RIMS2: variants seen among roughly 807,000 people sequenced by gnomAD.
RIMS2 encodes regulating synaptic membrane exocytosis 2.
Under a neutral mutation model 174.4 loss-of-function variants are expected in RIMS2, and 59 were observed. That is an observed-to-expected ratio of 0.34 (90% CI 0.27 to 0.42). The LOEUF (loss-of-function observed/expected upper bound fraction) is 0.42. Among genes scored for constraint, RIMS2 ranks in the 10% least tolerant of loss-of-function variants. The probability of loss-of-function intolerance (pLI) is 1.00; values close to 1 mark genes in which losing one functional copy is unlikely to be tolerated. For synonymous variants in RIMS2, 606 were observed against 572.5 expected, an observed-to-expected ratio of 1.06 and a Z score of -0.84; for missense variants, 1,620 against 1,666.3, an observed-to-expected ratio of 0.97 and a Z score of 0.48.
intron 4 of RIMS2, among the ~76,000 whole-genome samples, chr8:103,892,732 A>G (rs1340066549): frequency 2.0e-5 from 3 of 151,794 alleles, no homozygotes; most frequent in African/African-American, 7.3e-5. Context: ...CATCATTATA[A>G]CTCCTGACCT....
intron 19 of RIMS2, among the ~76,000 whole-genome samples, chr8:104,173,783 C>G (rs546973996): frequency 6.6e-6 from 1 of 151,080 alleles, no homozygotes; most frequent in Non-Finnish European, 1.5e-5. Context: ...CACCCGCCAC[C>G]ATGCCTGGCT....
chr8:103,964,207 C>T (rs1490921150), intron 15 of RIMS2, among the ~76,000 whole-genome samples: 2 of 152,188 alleles, frequency 1.3e-5, no homozygotes, highest in East Asian at 1.9e-4. Context: ...ATTGCTGGAT[C>T]GTATGCTAAG....
chr8:104,251,977 C>T, downstream of RIMS2: 2 of 613,986 alleles, frequency 3.3e-6, no homozygotes, highest in Middle Eastern at 3.8e-4. Flanking sequence ...GAGGAAGTTG[C>T]ACACATTGTG....
At chr8:103,885,872 G>T (rs1326673520) in exon 4 of RIMS2, 1 of 1,612,802 alleles carries the variant, frequency 6.2e-7, no homozygotes, top group Admixed American at 1.7e-5. Flanking sequence ...AAGTTCTTAT[G>T]CACAAAGGAC....
At chr8:103,897,486 TTACCTTCA>T (rs1397984247) in intron 4 of RIMS2, among the ~76,000 whole-genome samples, 1 of 151,710 alleles carries the variant, frequency 6.6e-6, no homozygotes, top group Non-Finnish European at 1.5e-5. Flanking sequence ...GAAGTCTGCG[TTACCTTCA>T]TATGCATTTT....
At chr8:103,593,247 A>G (rs1025279214) in intron 1 of RIMS2, among the ~76,000 whole-genome samples, 1 of 151,422 alleles carries the variant, frequency 6.6e-6, no homozygotes, top group African/African-American at 2.4e-5. Flanking sequence ...GGTGATGTTA[A>G]TGATATGATT....
chr8:103,685,581 G>A (rs2096931968), intron 1 of RIMS2, among the ~76,000 whole-genome samples: 1 of 152,064 alleles, frequency 6.6e-6, no homozygotes, highest in Non-Finnish European at 1.5e-5. Flanking sequence ...TTGCTTAAAA[G>A]ACAATTTTTT....
intron 2 of RIMS2, among the ~76,000 whole-genome samples, chr8:103,763,178 C>T (rs1051503955): frequency 6.6e-6 from 1 of 152,172 alleles, no homozygotes; most frequent in African/African-American, 2.4e-5. Context: ...TGGCTCACAT[C>T]TGTAATCCTA....
chr8:104,081,290 A>T (rs1171821155), intron 19 of RIMS2, among the ~76,000 whole-genome samples: 1 of 151,996 alleles, frequency 6.6e-6, no homozygotes, highest in African/African-American at 2.4e-5. Flanking sequence ...ATTTTAAATG[A>T]GTTTAAAGGG....
chr8:103,835,703 A>G (rs1297658575), intron 3 of RIMS2, among the ~76,000 whole-genome samples: 1 of 152,220 alleles, frequency 6.6e-6, no homozygotes, highest in African/African-American at 2.4e-5. Flanking sequence ...GGAATTATAT[A>G]TGTAGCTTCT....
At chr8:103,897,739 C>T (rs899763880) in intron 4 of RIMS2, among the ~76,000 whole-genome samples, 4 of 151,620 alleles carry the variant, frequency 2.6e-5, no homozygotes, top group African/African-American at 9.8e-5. Context: ...ACTACATGGC[C>T]TTGTTCCAGA....
intron 1 of RIMS2, among the ~76,000 whole-genome samples, chr8:103,601,741 CT>C (rs1347847611): frequency 6.6e-6 from 1 of 151,122 alleles, no homozygotes; most frequent in Non-Finnish European, 1.5e-5. Flanking sequence ...TCTTTCCTGT[CT>C]TTTTTAGTGA....
intron 1 of RIMS2, among the ~76,000 whole-genome samples, chr8:103,641,858 T>G (rs2096238835): frequency 6.6e-6 from 1 of 152,158 alleles, no homozygotes; most frequent in Admixed American, 6.5e-5. Context: ...CTGATGCAGA[T>G]GCTGTTGCCA....
At chr8:104,110,473 A>T (rs1303281483) in intron 19 of RIMS2, among the ~76,000 whole-genome samples, 1 of 152,162 alleles carries the variant, frequency 6.6e-6, no homozygotes, top group African/African-American at 2.4e-5. Context: ...AGTTTTTCTT[A>T]TCCTTGATCC....
chr8:104,058,152 C>A, intron 19 of RIMS2, among the ~76,000 whole-genome samples: 7 of 147,480 alleles, frequency 4.7e-5, no homozygotes, highest in African/African-American at 7.6e-5. Flanking sequence ...ACACTGACTT[C>A]CACAATGGTT....
chr8:103,883,464 A>G (rs2099180466), intron 3 of RIMS2, among the ~76,000 whole-genome samples: 1 of 151,764 alleles, frequency 6.6e-6, no homozygotes, highest in Non-Finnish European at 1.5e-5. Flanking sequence ...GTTGGGTACT[A>G]TAAATTTTTT....
At chr8:103,619,833 T>C (rs2095594495) in intron 1 of RIMS2, among the ~76,000 whole-genome samples, 1 of 152,130 alleles carries the variant, frequency 6.6e-6, no homozygotes, top group Non-Finnish European at 1.5e-5. Flanking sequence ...TAACAGTTCC[T>C]AGAAAAGGCT....
intron 19 of RIMS2, among the ~76,000 whole-genome samples, chr8:104,237,677 A>G (rs1349233825): frequency 6.6e-6 from 1 of 152,156 alleles, no homozygotes; most frequent in Non-Finnish European, 1.5e-5. Context: ...GAATGAATGG[A>G]TTCATGTTAA....
intron 19 of RIMS2, among the ~76,000 whole-genome samples, chr8:104,064,420 C>T (rs72683182): frequency 0.13 from 19,629 of 151,882 alleles, 1,740 homozygotes; most frequent in Non-Finnish European, 0.19. Flanking sequence ...CTTTTTTGTG[C>T]TCTGCCTTAA....
Sources: allele counts gnomAD v4.1 joint callset (sites outside exome capture counted in the v4.1 genomes callset), GRCh38; gene constraint gnomAD v4.1.1; transcripts MANE v1.5; gene names NCBI Gene and HGNC (gene_info 2026-07-23, HGNC 2026-07-21).